AGBL4: variants seen among roughly 807,000 people sequenced by gnomAD.
AGBL4 encodes the protein AGBL carboxypeptidase 4, also known as cytosolic carboxypeptidase 6.
In AGBL4, 58 loss-of-function variants were observed where a neutral mutation model predicts 66.4. The observed-to-expected ratio is 0.87, with a 90% CI of 0.71 to 1.09. The LOEUF (loss-of-function observed/expected upper bound fraction) is 1.09. Among genes scored for constraint, AGBL4 ranks in the 50% least tolerant of loss-of-function variants. AGBL4 has a pLI of 0.00. For missense variants in AGBL4, 579 were observed against 631.0 expected, an observed-to-expected ratio of 0.92 and a Z score of 0.88; for synonymous variants, 234 against 222.9, an observed-to-expected ratio of 1.05 and a Z score of -0.44.
chr1:48,710,217 C>G (rs1646944594), intron 6 of AGBL4, among the ~76,000 whole-genome samples: 1 of 152,130 alleles, frequency 6.6e-6, no homozygotes, highest in South Asian at 2.1e-4. Context: ...CACTCATTCA[C>G]ATCAACAGGG....
At chr1:48,670,516 C>T (rs558956670) in intron 6 of AGBL4, among the ~76,000 whole-genome samples, 21 of 152,338 alleles carry the variant, frequency 1.4e-4, no homozygotes, top group African/African-American at 4.6e-4. Context: ...GAGATACAGG[C>T]GGCTTGGGCC....
intron 5 of AGBL4, among the ~76,000 whole-genome samples, chr1:48,926,310 C>T (rs1557468236): frequency 1.5e-5 from 2 of 134,876 alleles, no homozygotes; most frequent in Non-Finnish European, 3.1e-5. Flanking sequence ...GGCAGAGTCT[C>T]ACTCTGTTGC....
intron 6 of AGBL4, among the ~76,000 whole-genome samples, chr1:48,709,984 C>G (rs1646940563): frequency 6.6e-6 from 1 of 152,138 alleles, no homozygotes; most frequent in Non-Finnish European, 1.5e-5. Flanking sequence ...CTGTTGTACA[C>G]AGACCCACTT....
chr1:48,677,323 G>T (rs956004570), intron 6 of AGBL4, among the ~76,000 whole-genome samples: 2 of 152,246 alleles, frequency 1.3e-5, no homozygotes, highest in Non-Finnish European at 2.9e-5. Context: ...TAAGCTGCAT[G>T]CATGAGGAGA....
At chr1:48,893,712 A>T (rs1421751899) in intron 5 of AGBL4, among the ~76,000 whole-genome samples, 2 of 151,848 alleles carry the variant, frequency 1.3e-5, no homozygotes, top group African/African-American at 4.8e-5. Context: ...ATAAAAAGAT[A>T]AAAAAGACTC....
At chr1:48,809,159 C>T (rs1426250281) in intron 6 of AGBL4, among the ~76,000 whole-genome samples, 1 of 152,016 alleles carries the variant, frequency 6.6e-6, no homozygotes, top group African/African-American at 2.4e-5. Flanking sequence ...GGTGTGTGTC[C>T]CTGAGATTAG....
intron 6 of AGBL4, among the ~76,000 whole-genome samples, chr1:48,775,518 C>T (rs1199416671): frequency 6.6e-6 from 1 of 152,178 alleles, no homozygotes; most frequent in Non-Finnish European, 1.5e-5. Context: ...AAGGCAGGAA[C>T]ACTATTTGCC....
intron 6 of AGBL4, among the ~76,000 whole-genome samples, chr1:48,669,334 C>T (rs1226464504): frequency 2.0e-5 from 3 of 152,232 alleles, no homozygotes; most frequent in African/African-American, 4.8e-5. Flanking sequence ...GAATGGGGTT[C>T]CTCAGCATCA....
chr1:49,451,786 G>C (rs1423471232), intron 3 of AGBL4, among the ~76,000 whole-genome samples: 1 of 151,738 alleles, frequency 6.6e-6, no homozygotes, highest in Non-Finnish European at 1.5e-5. Flanking sequence ...TATAAGAATT[G>C]GTACAGAACA....
intron 3 of AGBL4, among the ~76,000 whole-genome samples, chr1:49,553,301 G>C (rs1653119457): frequency 6.6e-6 from 1 of 152,078 alleles, no homozygotes; most frequent in South Asian, 2.1e-4. Context: ...TTCCTATAAT[G>C]AGAACTCCAT....
chr1:49,727,245 C>T (rs556633299), intron 2 of AGBL4, among the ~76,000 whole-genome samples: 61 of 152,152 alleles, frequency 4.0e-4, no homozygotes, highest in Non-Finnish European at 5.9e-4. Flanking sequence ...TTAGAAATGT[C>T]AAGTTTGACC....
chr1:49,363,349 A>T (rs1298683635), intron 3 of AGBL4, among the ~76,000 whole-genome samples: 1 of 152,178 alleles, frequency 6.6e-6, no homozygotes, highest in Non-Finnish European at 1.5e-5. Context: ...TGGCTGGCCT[A>T]GAGAGCCCAG....
chr1:49,304,606 A>G (rs1487356205), intron 3 of AGBL4, among the ~76,000 whole-genome samples: 1 of 152,144 alleles, frequency 6.6e-6, no homozygotes, highest in Non-Finnish European at 1.5e-5. Flanking sequence ...GGGTAGGTGG[A>G]TGGGACTTGT....
chr1:48,739,723 G>A (rs1056797527), intron 6 of AGBL4, among the ~76,000 whole-genome samples: 12 of 152,284 alleles, frequency 7.9e-5, no homozygotes, highest in African/African-American at 2.9e-4. Context: ...AGTGTCAGGA[G>A]GACACAGCAA....
At chr1:48,550,345 G>A (rs150138394) in intron 11 of AGBL4, among the ~76,000 whole-genome samples, 90 of 152,238 alleles carry the variant, frequency 5.9e-4, no homozygotes, top group Non-Finnish European at 9.9e-4. Context: ...CAGAGAAATA[G>A]TTGGTTTCTG....
intron 6 of AGBL4, among the ~76,000 whole-genome samples, chr1:48,749,231 C>G (rs576846129): frequency 5.5e-4 from 83 of 152,224 alleles, no homozygotes; most frequent in African/African-American, 2.0e-3. Flanking sequence ...TCAAATGTAT[C>G]TCTCTTTTTT....
At chr1:49,825,697 C>T (rs934381566) in intron 2 of AGBL4, among the ~76,000 whole-genome samples, 1 of 152,166 alleles carries the variant, frequency 6.6e-6, no homozygotes, top group East Asian at 1.9e-4. Context: ...AAAGACTGAC[C>T]TCCTTGAGTA....
chr1:48,620,924 G>C (rs1217603292), intron 9 of AGBL4, among the ~76,000 whole-genome samples: 1 of 152,102 alleles, frequency 6.6e-6, no homozygotes, highest in Non-Finnish European at 1.5e-5. Context: ...GAAAGGTGAG[G>C]TGGCAGGTAG....
chr1:49,520,306 T>C (rs1445527800), intron 3 of AGBL4, among the ~76,000 whole-genome samples: 2 of 151,946 alleles, frequency 1.3e-5, no homozygotes, highest in Non-Finnish European at 2.9e-5. Context: ...GAAAATATCA[T>C]CTCAAAAATA....
Sources: allele counts gnomAD v4.1 joint callset (sites outside exome capture counted in the v4.1 genomes callset), GRCh38; gene constraint gnomAD v4.1.1; transcripts MANE v1.5; gene names NCBI Gene and HGNC (gene_info 2026-07-23, HGNC 2026-07-21).